The following FHOD3 variants were observed in gnomAD, a reference collection of about 807,000 sequenced individuals.
The protein encoded by FHOD3 is formin homology 2 domain containing 3.
In FHOD3, 90 loss-of-function variants were observed where a neutral mutation model predicts 173.0. The observed-to-expected ratio is 0.52, with a 90% CI of 0.44 to 0.62. The LOEUF is 0.62. FHOD3 is among the 20% of genes least tolerant of loss of function. The pLI is 0.00. For synonymous variants in FHOD3, 828 were observed against 823.0 expected, an observed-to-expected ratio of 1.01 and a Z score of -0.10; for missense variants, 1,945 against 2,034.7, an observed-to-expected ratio of 0.96 and a Z score of 0.85.
intron 2 of FHOD3, among the ~76,000 whole-genome samples, chr18:36,363,392 A>T (rs2046729336): frequency 1.3e-5 from 2 of 152,230 alleles, no homozygotes; most frequent in South Asian, 4.1e-4. Context: ...TGGAAACAAG[A>T]TGTCCTTCTG....
At chr18:36,597,244 G>A (rs545363785) in intron 7 of FHOD3, among the ~76,000 whole-genome samples, 1 of 152,164 alleles carries the variant, frequency 6.6e-6, no homozygotes, top group South Asian at 2.1e-4. Context: ...ATGAACCCAG[G>A]CCTTTGTGTA....
intron 1 of FHOD3, among the ~76,000 whole-genome samples, chr18:36,305,960 G>T (rs1224970042): frequency 2.0e-5 from 3 of 152,170 alleles, no homozygotes; most frequent in Non-Finnish European, 4.4e-5. Flanking sequence ...GTGACATTGG[G>T]GTTGAGACAA....
chr18:36,349,674 G>A (rs1206230838), intron 1 of FHOD3, among the ~76,000 whole-genome samples: 1 of 152,116 alleles, frequency 6.6e-6, no homozygotes, highest in Non-Finnish European at 1.5e-5. Context: ...CCAGTAACAT[G>A]CTAGTTCACT....
At chr18:36,321,941 C>G (rs2044417815) in intron 1 of FHOD3, among the ~76,000 whole-genome samples, 1 of 152,166 alleles carries the variant, frequency 6.6e-6, no homozygotes, top group Non-Finnish European at 1.5e-5. Flanking sequence ...TGCCGAGAGA[C>G]AGGGAAGCCT....
At chr18:36,353,358 T>G (rs2046219979) in intron 1 of FHOD3, among the ~76,000 whole-genome samples, 1 of 152,248 alleles carries the variant, frequency 6.6e-6, no homozygotes, top group South Asian at 2.1e-4. Context: ...AACAAGGAAC[T>G]GTGGGGTTTC....
At chr18:36,395,328 A>AAAAT (rs1308934395) in intron 3 of FHOD3, among the ~76,000 whole-genome samples, 391 of 151,874 alleles carry the variant, frequency 2.6e-3, no homozygotes, top group African/African-American at 8.8e-3. Flanking sequence ...AAAAAAAAAA[A>AAAAT]AATCTATATC....
intron 5 of FHOD3, among the ~76,000 whole-genome samples, chr18:36,536,257 G>A (rs1448049136): frequency 6.6e-6 from 1 of 152,290 alleles, no homozygotes; most frequent in Admixed American, 6.5e-5. Flanking sequence ...CCTCCCCATG[G>A]ATGGGGCCAA....
chr18:36,443,766 C>G (rs887145971), intron 3 of FHOD3, among the ~76,000 whole-genome samples: 24 of 152,122 alleles, frequency 1.6e-4, no homozygotes, highest in Admixed American at 3.9e-4. Context: ...ACTTTCCTGT[C>G]TCTATTAACA....
chr18:36,653,009 G>GGCTTC, intron 12 of FHOD3, 80 bp downstream of exon 12: 1 of 1,443,846 alleles, frequency 6.9e-7, no homozygotes, highest in Non-Finnish European at 9.1e-7. Context: ...CCCTTGGCTT[G>GGCTTC]GCTTCTGCCA....
chr18:36,455,928 C>T (rs1469883030), intron 3 of FHOD3, among the ~76,000 whole-genome samples: 1 of 152,174 alleles, frequency 6.6e-6, no homozygotes, highest in Non-Finnish European at 1.5e-5. Flanking sequence ...AACCACTTGG[C>T]AGACATGAAT....
intron 25 of FHOD3, among the ~76,000 whole-genome samples, chr18:36,756,254 A>G (rs947722801): frequency 1.3e-5 from 2 of 152,168 alleles, no homozygotes; most frequent in African/African-American, 4.8e-5. Flanking sequence ...AACAGACTCA[A>G]CGATAATAAA....
At chr18:36,650,612 C>T (rs2149092649) in intron 11 of FHOD3, among the ~76,000 whole-genome samples, 1 of 152,298 alleles carries the variant, frequency 6.6e-6, no homozygotes, top group South Asian at 2.1e-4. Context: ...GTTTGGTCGC[C>T]ATCCCACCTT....
At chr18:36,769,010 A>C (rs2150367191) in intron 27 of FHOD3, among the ~76,000 whole-genome samples, 1 of 152,292 alleles carries the variant, frequency 6.6e-6, no homozygotes, top group South Asian at 2.1e-4. Context: ...GCTGTGTTAC[A>C]GGGTGATATG....
chr18:36,664,777 T>TGC (rs1555798228), intron 14 of FHOD3, among the ~76,000 whole-genome samples: 1 of 129,526 alleles, frequency 7.7e-6, no homozygotes, highest in Non-Finnish European at 1.6e-5. Context: ...TGTGTGTATG[T>TGC]GAGAGAGAGA....
chr18:36,510,068 C>T (rs1025493860), intron 4 of FHOD3, among the ~76,000 whole-genome samples: 1 of 152,202 alleles, frequency 6.6e-6, no homozygotes, highest in African/African-American at 2.4e-5. Flanking sequence ...TCCATCATCT[C>T]TCATGTTTTC....
chr18:36,344,378 A>T (rs1009956704), intron 1 of FHOD3, among the ~76,000 whole-genome samples: 10 of 152,168 alleles, frequency 6.6e-5, no homozygotes, highest in Non-Finnish European at 1.3e-4. Flanking sequence ...AGTGGGACAC[A>T]CCTGTGCTTC....
chr18:36,641,597 G>A (rs577003297), intron 10 of FHOD3, among the ~76,000 whole-genome samples: 1 of 152,278 alleles, frequency 6.6e-6, no homozygotes, highest in South Asian at 2.1e-4. Flanking sequence ...TCACTGGTCT[G>A]TAATCCAAGG....
intron 5 of FHOD3, among the ~76,000 whole-genome samples, chr18:36,541,805 G>C (rs1312061050): frequency 6.6e-6 from 1 of 152,128 alleles, no homozygotes; most frequent in Non-Finnish European, 1.5e-5. Flanking sequence ...GGGCAGAATT[G>C]GAATGAACCT....
chr18:36,779,645 G>A lies in FHOD3; in HGVS notation c.*115G>A, dbSNP rs1031395902. ...ATTCACATCCAACAGTTTGAAAAGGGAGAGCTCAATTCCCAGCGTCACCCC... is the reference window on the plus strand; with the variant it reads ...ATTCACATCCAACAGTTTGAAAAGGAAGAGCTCAATTCCCAGCGTCACCCC... On this transcript the variant is annotated 3_prime_UTR_variant, in exon 29 of 29. Coordinates refer to ENST00000590592, the MANE Select transcript of FHOD3 (RefSeq NM_001281740.3). 2.2e-6 allele frequency: 2 copies of A among 901,990 alleles called. 1 individual carries two copies. Among genetic ancestry groups the A allele is most frequent in the South Asian group, 3.0e-5 (2 of 67,630 alleles). The allele number at this position is 901,990 out of a possible 1,614,324, so 55.9% of individuals were successfully genotyped here.
Sources: allele counts gnomAD v4.1 joint callset (sites outside exome capture counted in the v4.1 genomes callset), GRCh38; gene constraint gnomAD v4.1.1; transcripts MANE v1.5; gene names NCBI Gene and HGNC (gene_info 2026-07-23, HGNC 2026-07-21).